Variants in SPIDR observed in about 807,000 individuals in gnomAD.
The protein encoded by SPIDR is DNA repair-scaffolding protein.
A neutral mutation model predicts 104.6 loss-of-function variants in SPIDR; 93 were observed. That is an observed-to-expected ratio of 0.89 (90% CI 0.75 to 1.06). The LOEUF (loss-of-function observed/expected upper bound fraction) is 1.06. Among genes scored for constraint, SPIDR ranks in the 50% least tolerant of loss-of-function variants. The pLI is 0.00. For missense variants in SPIDR, 1,154 were observed against 1,111.2 expected (o/e 1.04, Z -0.55); for synonymous variants, 431 against 416.9 (o/e 1.03, Z -0.41).
At chr8:47,525,773 CAA>C (rs748970837) in intron 8 of SPIDR, among the ~76,000 whole-genome samples, 68 of 108,928 alleles carry the variant, frequency 6.2e-4, no homozygotes, top group Admixed American at 5.4e-4. Context: ...GACCCTGCCT[CAA>C]AAAAAAAAAA....
intron 5 of SPIDR, among the ~76,000 whole-genome samples, chr8:47,299,733 G>T (rs2041668365): frequency 6.6e-6 from 1 of 152,174 alleles, no homozygotes; most frequent in Non-Finnish European, 1.5e-5. Flanking sequence ...CGTTGGTTCT[G>T]TTTATATGAT....
At chr8:47,513,939 C>T (rs944571596) in intron 8 of SPIDR, among the ~76,000 whole-genome samples, 2 of 152,134 alleles carry the variant, frequency 1.3e-5, no homozygotes, top group African/African-American at 4.8e-5. Context: ...CTGCCTCTTG[C>T]CCACAGGTGA....
chr8:47,455,515 G>A (rs1554709283), intron 8 of SPIDR, among the ~76,000 whole-genome samples: 1 of 152,056 alleles, frequency 6.6e-6, no homozygotes, highest in African/African-American at 2.4e-5. Context: ...AGGAAAAAGT[G>A]AATTTCTTCT....
chr8:47,666,811 C>T (rs935579094), intron 10 of SPIDR, among the ~76,000 whole-genome samples: 30 of 152,174 alleles, frequency 2.0e-4, no homozygotes, highest in African/African-American at 6.5e-4. Context: ...ATAACAAAAA[C>T]ATATATTTAA....
chr8:47,597,972 A>G (rs2061814998), intron 9 of SPIDR, among the ~76,000 whole-genome samples: 1 of 152,204 alleles, frequency 6.6e-6, no homozygotes, highest in Admixed American at 6.5e-5. Flanking sequence ...AAAAGTAGAC[A>G]AACTTTCAGC....
chr8:47,351,310 A>G (rs1227320004), intron 5 of SPIDR, among the ~76,000 whole-genome samples: 5 of 152,220 alleles, frequency 3.3e-5, no homozygotes, highest in East Asian at 1.9e-4. Context: ...GTCTTGAAAC[A>G]TATCCTCTCA....
At chr8:47,481,693 G>A (rs1368376834) in intron 8 of SPIDR, among the ~76,000 whole-genome samples, 3 of 152,148 alleles carry the variant, frequency 2.0e-5, no homozygotes, top group African/African-American at 4.8e-5. Flanking sequence ...AGAACTTGGA[G>A]GTAGGAAAAC....
intron 14 of SPIDR, among the ~76,000 whole-genome samples, chr8:47,708,975 C>CT (rs763678779): frequency 0.039 from 5,447 of 140,728 alleles, 122 homozygotes; most frequent in African/African-American, 0.044. Context: ...AGTAAGAAGA[C>CT]TTTTTTTTTT....
At chr8:47,624,983 C>T (rs2065816802) in intron 10 of SPIDR, among the ~76,000 whole-genome samples, 2 of 152,148 alleles carry the variant, frequency 1.3e-5, no homozygotes, top group Non-Finnish European at 2.9e-5. Context: ...ATGCAAAAAT[C>T]CTCAATAAAA....
At chr8:47,398,272 G>A (rs1409667795) in intron 6 of SPIDR, among the ~76,000 whole-genome samples, 1 of 152,192 alleles carries the variant, frequency 6.6e-6, no homozygotes, top group African/African-American at 2.4e-5. Flanking sequence ...CCTGCTGAGG[G>A]CCGACCACTT....
intron 16 of SPIDR, among the ~76,000 whole-genome samples, chr8:47,717,430 AC>A (rs2082733317): frequency 6.6e-6 from 1 of 152,188 alleles, no homozygotes; most frequent in Non-Finnish European, 1.5e-5. Flanking sequence ...AAGAATCGCC[AC>A]CACCCATAGC....
At position 47,675,475 on chromosome 8, in the gene SPIDR, G is replaced by T. The variant is rs188194443; in HGVS notation, c.1685+1534G>T. Among the ~76,000 whole-genome samples the T allele has an allele frequency of 2.2e-4, 33 of 152,296 alleles. No individual in the cohort carries two copies. In the Middle Eastern group the frequency reaches 0.014, roughly 63 times the overall value. ...CTAGATACGAGAAAAGCTTGGTTGG[G>T]TCACATGAGTCTTACCCTTATTAAG... On this transcript the variant is annotated intron_variant, in intron 11 of 19. Coordinates refer to ENST00000297423, the MANE Select transcript of SPIDR (RefSeq NM_001080394.4).
chr8:47,482,972 A>G (rs551295179), intron 8 of SPIDR, among the ~76,000 whole-genome samples: 13 of 151,814 alleles, frequency 8.6e-5, no homozygotes, highest in African/African-American at 2.4e-4. Context: ...TAAAATTCCC[A>G]CTTGCTGGCT....
intron 5 of SPIDR, among the ~76,000 whole-genome samples, chr8:47,323,113 A>G (rs1563617367): frequency 1.3e-5 from 2 of 152,078 alleles, no homozygotes; most frequent in African/African-American, 2.4e-5. Flanking sequence ...AAGAGAAAAA[A>G]AAAAGAAAAG....
chr8:47,733,368 CAG>C (rs2085585920), intron 19 of SPIDR, among the ~76,000 whole-genome samples: 1 of 152,194 alleles, frequency 6.6e-6, no homozygotes, highest in South Asian at 2.1e-4. Context: ...GCCTGGGTGA[CAG>C]AGCAAGACTC....
At chr8:47,363,494 C>CT (rs201864791) in intron 5 of SPIDR, among the ~76,000 whole-genome samples, 24 of 105,080 alleles carry the variant, frequency 2.3e-4, no homozygotes, top group Admixed American at 1.8e-3. Flanking sequence ...CACGCCCAAC[C>CT]TTTTTTAAAA....
chr8:47,359,323 A>G (rs1248210123), intron 5 of SPIDR, among the ~76,000 whole-genome samples: 11 of 151,818 alleles, frequency 7.2e-5, no homozygotes, highest in Admixed American at 1.3e-4. Flanking sequence ...ACCTTGGCAC[A>G]TTCGATGAAA....
At chr8:47,718,813 G>T (rs141877421) in intron 16 of SPIDR, among the ~76,000 whole-genome samples, 1 of 151,956 alleles carries the variant, frequency 6.6e-6, no homozygotes. Flanking sequence ...TGTGCAGGAC[G>T]TGCAGGTTTG....
chr8:47,592,901 T>A (rs2061213811), intron 8 of SPIDR, among the ~76,000 whole-genome samples: 1 of 152,180 alleles, frequency 6.6e-6, no homozygotes, highest in Non-Finnish European at 1.5e-5. Flanking sequence ...TTGTTTGTTT[T>A]TTGAAGAGGA....
Sources: gnomAD v4.1 joint callset for allele counts (sites outside exome capture counted in the v4.1 genomes callset) on GRCh38, gnomAD v4.1.1 for gene constraint, MANE v1.5 for transcripts, NCBI Gene and HGNC (gene_info 2026-07-23, HGNC 2026-07-21) for gene names.